The following ACVR1C variants were observed in gnomAD, a reference collection of about 807,000 sequenced individuals.
ACVR1C encodes activin receptor type-1C.
ACVR1C carries 23 observed loss-of-function variants against 57.9 expected under a neutral mutation model. That is an observed-to-expected ratio of 0.40 (90% CI 0.29 to 0.56). The LOEUF (loss-of-function observed/expected upper bound fraction) is 0.56. Among genes scored for constraint, ACVR1C ranks in the 20% least tolerant of loss-of-function variants. The probability of loss-of-function intolerance (pLI) is 0.50; values close to 1 mark genes in which losing one functional copy is unlikely to be tolerated. For synonymous variants in ACVR1C, 214 were observed against 215.3 expected, an observed-to-expected ratio of 0.99 and a Z score of 0.05; for missense variants, 480 against 607.9, an observed-to-expected ratio of 0.79 and a Z score of 2.21.
chr2:157,564,523 C>G (rs543546764), intron 2 of ACVR1C, among the ~76,000 whole-genome samples: 1 of 152,246 alleles, frequency 6.6e-6, no homozygotes, highest in South Asian at 2.1e-4. Flanking sequence ...TAAATTAGCT[C>G]AACCACTGTA....
Position 157,534,010 on chromosome 2 carries a change from A to T in ACVR1C, c.1390T>A (p.Cys464Ser), listed in dbSNP as rs748155729. The T allele has an allele frequency of 1.0e-5, 16 of 1,588,534 alleles. No individual in the cohort carries two copies. The highest frequency in any genetic ancestry group is 1.7e-4 in the Middle Eastern group (1 of 5,974). ...LRVMGRIMRE[C>S]WYANGAARLT... The stretch of plus-strand genomic sequence containing the variant: ...CGGGCCGCTCCGTTGGCATACCAAC[A>T]CTCACGCATTATTCTCCCCATGACT... The change falls in exon 9 of 9, where the codon TGT becomes AGT. Residue 464 changes from cysteine (C) to serine (S), a missense_variant. Cys to Ser is a moderately radical substitution (Grantham distance 112). Coordinates refer to ENST00000243349, the MANE Select transcript of ACVR1C (RefSeq NM_145259.3).
intron 1 of ACVR1C, among the ~76,000 whole-genome samples, chr2:157,615,633 C>T (rs979335945): frequency 6.6e-6 from 1 of 152,026 alleles, no homozygotes; most frequent in Non-Finnish European, 1.5e-5. Flanking sequence ...ACCTTGGCCT[C>T]CCAAAGTGCT....
At chr2:157,607,739 T>A (rs1164353141) in intron 1 of ACVR1C, among the ~76,000 whole-genome samples, 1 of 151,688 alleles carries the variant, frequency 6.6e-6, no homozygotes, top group Non-Finnish European at 1.5e-5. Context: ...GAGATTGCCT[T>A]CCTGATTTTT....
At chr2:157,544,334 C>T (rs970161988) in intron 5 of ACVR1C, 111 bp downstream of exon 5, 45 of 1,116,606 alleles carry the variant, frequency 4.0e-5, no homozygotes, top group South Asian at 6.5e-5. Context: ...TATAAGCCAC[C>T]GTGCCCAGCC....
Position 157,620,952 on chromosome 2 carries a change from C to T in ACVR1C, c.73+7620G>A, listed in dbSNP as rs149060581. Among the ~76,000 whole-genome samples, 384 of 152,110 alleles carry T rather than the reference C, an allele frequency of 2.5e-3. 1 individual carries two copies. The highest frequency in any genetic ancestry group is 4.4e-3 in the Non-Finnish European group (299 of 67,968). Reference sequence around the variant, plus strand: ...CTTTTTATTAACCATGAGATAACAACGACAAAATAGATTGGGAGAAAATGT... The same window carrying T: ...CTTTTTATTAACCATGAGATAACAATGACAAAATAGATTGGGAGAAAATGT... On this transcript the variant is annotated intron_variant, in intron 1 of 8. Coordinates refer to ENST00000243349, the MANE Select transcript of ACVR1C (RefSeq NM_145259.3).
intron 3 of ACVR1C, among the ~76,000 whole-genome samples, chr2:157,550,737 A>AG (rs1020563776): frequency 6.6e-6 from 1 of 151,214 alleles, no homozygotes; most frequent in African/African-American, 2.4e-5. Flanking sequence ...GTAAAAGCAA[A>AG]AAAAAAAAAA....
At chr2:157,581,485 G>A (rs963773334) in intron 2 of ACVR1C, among the ~76,000 whole-genome samples, 7 of 152,092 alleles carry the variant, frequency 4.6e-5, no homozygotes, top group Non-Finnish European at 1.0e-4. Flanking sequence ...ACCTACTAGG[G>A]GGAGACGGGA....
chr2:157,617,253 G>A (rs986038837), intron 1 of ACVR1C, among the ~76,000 whole-genome samples: 4 of 152,046 alleles, frequency 2.6e-5, no homozygotes, highest in Non-Finnish European at 5.9e-5. Flanking sequence ...CATGGAAATT[G>A]TAAATGTGTA....
At chr2:157,587,984 TGTC>T (rs1688968075) in intron 1 of ACVR1C, among the ~76,000 whole-genome samples, 2 of 152,184 alleles carry the variant, frequency 1.3e-5, no homozygotes, top group African/African-American at 2.4e-5. Context: ...CAATTGTTAT[TGTC>T]GTAGTTCCTT....
intron 1 of ACVR1C, among the ~76,000 whole-genome samples, chr2:157,617,504 T>A (rs1682680951): frequency 6.6e-6 from 1 of 152,018 alleles, no homozygotes; most frequent in South Asian, 2.1e-4. Context: ...GAGGAATAAC[T>A]GGGTAGAGAC....
rs529685476 is a variant in ACVR1C at position 157,566,374 on chromosome 2, G to C, written c.305-10042C>G. ...AATGTGGAGCCAAGATGGCCGAATA[G>C]GAACAGCTCCGGTCTATAGCTCCCA... On this transcript the variant is annotated intron_variant, in intron 2 of 8. Transcript: ENST00000243349. Among the ~76,000 whole-genome samples the C allele has an allele frequency of 1.6e-3, 242 of 152,342 alleles. 1 individual carries two copies. Among genetic ancestry groups the C allele is most frequent in the African/African-American group, 5.7e-3 (236 of 41,570 alleles).
intron 7 of ACVR1C, among the ~76,000 whole-genome samples, chr2:157,539,393 T>C (rs1267400658): frequency 6.6e-6 from 1 of 152,160 alleles, no homozygotes; most frequent in East Asian, 1.9e-4. Context: ...ACTACTTAAA[T>C]TCCAAGAAAT....
At chr2:157,624,242 G>C (rs1270461439) in intron 1 of ACVR1C, among the ~76,000 whole-genome samples, 1 of 152,068 alleles carries the variant, frequency 6.6e-6, no homozygotes, top group African/African-American at 2.4e-5. Context: ...GCTCTCTTAG[G>C]AACATGCTCT....
At chr2:157,612,604 C>T (rs1038256120) in intron 1 of ACVR1C, among the ~76,000 whole-genome samples, 1 of 151,588 alleles carries the variant, frequency 6.6e-6, no homozygotes, top group African/African-American at 2.4e-5. Context: ...CATGCCACTG[C>T]TGGGGACAGG....
Position 157,573,816 on chromosome 2 carries a change from A to G in ACVR1C, c.304+13371T>C, listed in dbSNP as rs561264641. On this transcript the variant is annotated intron_variant, in intron 2 of 8. Coordinates refer to ENST00000243349, the MANE Select transcript of ACVR1C (RefSeq NM_145259.3). ...TCACAAACCAAAATACAACCCAGCCATAAAGGAACCAAGCAACAAAATGGG... is the reference window on the plus strand; with the variant it reads ...TCACAAACCAAAATACAACCCAGCCGTAAAGGAACCAAGCAACAAAATGGG... 9.8e-5 allele frequency among the ~76,000 whole-genome samples: 15 copies of G among 152,308 alleles called. No individual in the cohort carries two copies. The South Asian group carries it at 2.9e-3, about 29-fold the overall frequency.
At chr2:157,620,054 TC>T (rs1682734586) in intron 1 of ACVR1C, among the ~76,000 whole-genome samples, 1 of 152,062 alleles carries the variant, frequency 6.6e-6, no homozygotes, top group African/African-American at 2.4e-5. Context: ...TCTCTATACT[TC>T]TAAAGGGGTC....
chr2:157,548,830 C>T (rs1687835363), intron 4 of ACVR1C, among the ~76,000 whole-genome samples: 1 of 152,126 alleles, frequency 6.6e-6, no homozygotes, highest in South Asian at 2.1e-4. Context: ...AAATCATGCT[C>T]AAAGTAACAT....
chr2:157,534,140 CTTTTT>C, intron 8 of ACVR1C, 97 bp from the exon 9 acceptor site: 4 of 840,190 alleles, frequency 4.8e-6, no homozygotes, highest in Non-Finnish European at 6.2e-6. Context: ...TGATGCTAAG[CTTTTT>C]TTTTTTTTTT....
At chr2:157,554,368 A>G (rs1346785163) in intron 3 of ACVR1C, among the ~76,000 whole-genome samples, 1 of 139,514 alleles carries the variant, frequency 7.2e-6, no homozygotes, top group Admixed American at 7.0e-5. Flanking sequence ...AGAAAGAAAG[A>G]AGGGAGGGAG....
Sources: gnomAD v4.1 joint callset for allele counts (sites outside exome capture counted in the v4.1 genomes callset) on GRCh38, gnomAD v4.1.1 for gene constraint, MANE v1.5 for transcripts, NCBI Gene and HGNC (gene_info 2026-07-23, HGNC 2026-07-21) for gene names.